The following GRHL1 variants were observed in gnomAD, a reference collection of about 807,000 sequenced individuals.
The protein encoded by GRHL1 is grainyhead-like protein 1 homolog.
In GRHL1, 38 loss-of-function variants were observed where a neutral mutation model predicts 75.7. The observed-to-expected ratio is 0.50, with a 90% CI of 0.39 to 0.66. The LOEUF (loss-of-function observed/expected upper bound fraction) is 0.66, where lower values mean the gene tolerates loss of function less well. Ranked by LOEUF, GRHL1 falls within the 30% of genes least tolerant of loss-of-function variation. The probability of loss-of-function intolerance (pLI) is 0.00; values close to 1 mark genes in which losing one functional copy is unlikely to be tolerated. For missense variants in GRHL1, 589 were observed against 767.5 expected (o/e 0.77, Z 2.75); for synonymous variants, 266 against 279.4 (o/e 0.95, Z 0.48).
intron 14 of GRHL1, among the ~76,000 whole-genome samples, 192 bp from the exon 15 acceptor site, chr2:9,998,773 C>T (rs570878988): frequency 0.047 from 1,314 of 28,012 alleles, 257 homozygotes; most frequent in African/African-American, 0.099. Context: ...TATGTACACA[C>T]ATATATACGT....
At chr2:9,978,556 C>G (rs12623004) in intron 8 of GRHL1, among the ~76,000 whole-genome samples, 35,081 of 152,134 alleles carry the variant, frequency 0.23, 4,294 homozygotes, top group Admixed American at 0.33. Flanking sequence ...TGCAGAGAAC[C>G]ATTGAAGGCT....
At chr2:9,958,901 C>T (rs1414910573) in intron 3 of GRHL1, 45 bp downstream of exon 3, 1 of 1,597,986 alleles carries the variant, frequency 6.3e-7, no homozygotes, top group African/African-American at 1.3e-5. Context: ...GGGGGAAATG[C>T]CACGTTTCTG....
At chr2:9,998,414 G>A (rs1668969817) in intron 14 of GRHL1, among the ~76,000 whole-genome samples, 1 of 97,736 alleles carries the variant, frequency 1.0e-5, no homozygotes, top group South Asian at 3.4e-4. Context: ...AAAAAGTCGA[G>A]TGACTATGCA....
chr2:9,955,520 G>A lies in GRHL1; in HGVS notation c.207+419G>A, dbSNP rs917556914. Among the ~76,000 whole-genome samples the A allele has an allele frequency of 2.6e-5, 4 of 152,150 alleles. No individual in the cohort carries two copies. The East Asian group carries it at 7.7e-4, about 29-fold the overall frequency. On this transcript the variant is annotated intron_variant, in intron 2 of 15. Transcript: ENST00000324907. Reference sequence around the variant, plus strand: ...TACAGAGCCTTTGAAATCATATTCTGTAGTCTAGGACTGTCCAGTTCCAAG... The same window carrying A: ...TACAGAGCCTTTGAAATCATATTCTATAGTCTAGGACTGTCCAGTTCCAAG...
intron 1 of GRHL1, chr2:9,953,210 A>G (rs943717541): frequency 7.6e-6 from 3 of 397,078 alleles, no homozygotes; most frequent in Non-Finnish European, 1.5e-5. Context: ...TATTGCTTGT[A>G]CAAATTTGGG....
rs750801214 is a variant in GRHL1, at chr2:9,961,412, G to T, written c.645G>T (p.Glu215Asp). 2.5e-6 allele frequency: 4 copies of T among 1,609,350 alleles called. No individual in the cohort carries two copies. In the East Asian group the frequency reaches 8.9e-5, roughly 36 times the overall value. The change falls in exon 4 of 16, where the codon GAG (glutamate) becomes GAT (aspartate). Residue 215 changes from glutamate (E) to aspartate (D), a missense_variant. Glu to Asp is a conservative substitution (Grantham distance 45). This residue lies in a region of GRHL1 where 362 missense variants were observed against 461.8 expected (regional missense o/e 0.78). Transcript: ENST00000324907. ...GAACTCCAGACTCGACCTTCTCAGA[G>T]ACCTTCAAGGAAGGCGTTCAGGAGG... ...QRRTPDSTFS[E>D]TFKEGVQEVF...
At chr2:9,983,604 A>T (rs534491520) in intron 8 of GRHL1, among the ~76,000 whole-genome samples, 32 of 152,198 alleles carry the variant, frequency 2.1e-4, no homozygotes, top group Non-Finnish European at 1.5e-5. Context: ...TTGTAAAGGG[A>T]ATATCACTTC....
intron 8 of GRHL1, among the ~76,000 whole-genome samples, chr2:9,977,575 GC>G (rs1323264881): frequency 6.6e-6 from 1 of 152,206 alleles, no homozygotes. Context: ...GCCCGCCTCG[GC>G]CTCCCAAAGT....
At chr2:9,976,686 A>G (rs1334025205) in intron 8 of GRHL1, among the ~76,000 whole-genome samples, 1 of 152,320 alleles carries the variant, frequency 6.6e-6, no homozygotes, top group East Asian at 1.9e-4. Context: ...TTGAGGCCAG[A>G]TAAAGGCCAC....
Position 9,951,942 on chromosome 2 carries a change from CCGCGCGGGCGGGCGGGCGCGGGG to C in GRHL1, c.20+94_20+116del, listed in dbSNP as rs1666797042. 1 of 857,954 alleles carries C rather than the reference CCGCGCGGGCGGGCGGGCGCGGGG, an allele frequency of 1.2e-6. No homozygotes were observed. The highest frequency in any genetic ancestry group is 1.4e-6 in the Non-Finnish European group (1 of 696,012). 53.1% of individuals were successfully genotyped at this position (857,954 alleles called of 1,614,324 possible). On this transcript the variant is annotated intron_variant, in intron 1 of 15. Coordinates refer to ENST00000324907, the MANE Select transcript of GRHL1 (RefSeq NM_198182.3). This position sits in a 1 kb window ranked among gnomAD's most constrained non-coding sequence, Gnocchi z 4.2. The stretch of plus-strand genomic sequence containing the variant: ...GAGCGAGCCGGGCGCAGACCCGAGG[CCGCGCGGGCGGGCGGGCGCGGGG>C]CGCGAGCCGGGGGCCGCTGTCCACT...
chr2:9,996,235 G>C, intron 13 of GRHL1, 81 bp from the exon 14 acceptor site: 3 of 1,021,390 alleles, frequency 2.9e-6, no homozygotes, highest in Middle Eastern at 2.0e-4. Flanking sequence ...ACCGTGGTCT[G>C]TTTTCCTCTT....
rs1440703225 is a variant in GRHL1, at chr2:10,000,663, G to A, written c.1813G>A (p.Glu605Lys). The A allele has an allele frequency of 6.2e-7, 1 of 1,612,738 alleles. No homozygotes were observed. Among genetic ancestry groups the A allele is most frequent in the African/African-American group, 1.3e-5 (1 of 74,890 alleles). ...SNEDTFQLQI[E>K]EAGGSYKLTL... ...TGAGGACACCTTCCAGCTGCAGATT[G>A]AAGAAGCCGGGGGGTCTTACAAGCT... The change falls in exon 16 of 16, where the codon GAA (glutamate) becomes AAA (lysine). Residue 605 changes from glutamate (E) to lysine (K), a missense_variant. Transcript: ENST00000324907.
At position 9,998,797 on chromosome 2, in the gene GRHL1, C is replaced by CATATATATAT. The variant is rs1435943046; in HGVS notation, c.1678-167_1678-166insTATATATATA. Reference sequence around the variant, plus strand: ...ACATATATACGTATATATATGTACACACATATATATACGTATATATATGTA... The same window carrying CATATATATAT: ...ACATATATACGTATATATATGTACACATATATATATACATATATATACGTATATATATGTA... On this transcript the variant is annotated intron_variant, in intron 14 of 15. Coordinates refer to ENST00000324907, the MANE Select transcript of GRHL1 (RefSeq NM_198182.3). Among the ~76,000 whole-genome samples, 38 of 43,702 alleles carry CATATATATAT rather than the reference C, an allele frequency of 8.7e-4. 6 individuals carry two copies. Among genetic ancestry groups the CATATATATAT allele is most frequent in the East Asian group, 1.6e-3 (3 of 1,854 alleles). 28.7% of individuals were successfully genotyped at this position (43,702 alleles called of 152,430 possible).
At chr2:9,972,871 GT>G (rs554161466) in intron 8 of GRHL1, among the ~76,000 whole-genome samples, 4 of 151,246 alleles carry the variant, frequency 2.6e-5, no homozygotes, top group East Asian at 1.9e-4. Context: ...CTCCAGAGTG[GT>G]TTTTTTTTCT....
At chr2:9,991,971 C>T in intron 10 of GRHL1, 36 bp from the exon 11 acceptor site, 1 of 1,524,288 alleles carries the variant, frequency 6.6e-7, no homozygotes, top group Non-Finnish European at 8.8e-7. Context: ...ATCCTTTGAC[C>T]TTGGCTTCCT....
chr2:9,964,936 T>C, intron 7 of GRHL1: 1 of 208,490 alleles, frequency 4.8e-6, no homozygotes, highest in Admixed American at 5.4e-5. Context: ...TTTTTTTCTT[T>C]ACCTTTTGTA....
At chr2:9,994,310 A>T (rs900057677) in intron 12 of GRHL1, among the ~76,000 whole-genome samples, 1 of 139,184 alleles carries the variant, frequency 7.2e-6, no homozygotes, top group Non-Finnish European at 1.5e-5. Flanking sequence ...ACACCCATCT[A>T]ATTATTATTA....
At chr2:9,958,596 A>T (rs960919710) in intron 2 of GRHL1, among the ~76,000 whole-genome samples, 190 bp from the exon 3 acceptor site, 1 of 152,156 alleles carries the variant, frequency 6.6e-6, no homozygotes, top group Non-Finnish European at 1.5e-5. Flanking sequence ...TATCAACCAG[A>T]TGGGTGACTA....
chr2:9,986,505 C>T (rs575667518), intron 9 of GRHL1, among the ~76,000 whole-genome samples: 1 of 152,132 alleles, frequency 6.6e-6, no homozygotes, highest in Admixed American at 6.5e-5. Context: ...GCAATTCTGC[C>T]TTCTGGGTTC....
Sources: gnomAD v4.1 joint callset for allele counts (sites outside exome capture counted in the v4.1 genomes callset) on GRCh38, gnomAD v4.1.1 for gene constraint, gnomAD v4.1.1 regional missense constraint, Gnocchi (gnomAD v3.1) non-coding constraint, MANE v1.5 for transcripts, NCBI Gene and HGNC (gene_info 2026-07-23, HGNC 2026-07-21) for gene names.